The following C4orf50 variants were observed in gnomAD, a reference collection of about 807,000 sequenced individuals.
C4orf50 encodes chromosome 4 open reading frame 50.
In C4orf50, 80 loss-of-function variants were observed where a neutral mutation model predicts 77.2. The ratio of observed to expected loss-of-function variants is 1.04; its 90% CI spans 0.87 to 1.25. The LOEUF is 1.25. C4orf50 is among the 50% of genes most tolerant of loss of function. The probability of loss-of-function intolerance (pLI) is 0.00; values close to 1 mark genes in which losing one functional copy is unlikely to be tolerated. For synonymous variants in C4orf50, 532 were observed against 465.3 expected (o/e 1.14, Z -1.84); for missense variants, 1,257 against 1,152.9 (o/e 1.09, Z -1.31).
chr4:6,000,199 C>A lies in C4orf50; in HGVS notation c.964-5723G>T, dbSNP rs886952418. On this transcript the variant is annotated intron_variant, in intron 25 of 33. Transcript: ENST00000531445. The surrounding 1 kb of genome is among the most constrained non-coding windows in gnomAD (Gnocchi z 6.0). ...GCACTGGCAGCCTTGGGCAGTCACA[C>A]AGCATGCGATGCTCTCTGGACTCTG... Among the ~76,000 whole-genome samples, 3 of 152,164 alleles carry A rather than the reference C, an allele frequency of 2.0e-5. No homozygotes were observed. Among genetic ancestry groups the A allele is most frequent in the Non-Finnish European group, 4.4e-5 (3 of 68,042 alleles).
At chr4:5,979,513 A>G (rs2108780288) in intron 29 of C4orf50, among the ~76,000 whole-genome samples, 2 of 152,374 alleles carry the variant, frequency 1.3e-5, no homozygotes. Flanking sequence ...TAGAGTTGAA[A>G]AAATATTGGA....
rs1577882396 is a variant in C4orf50, at chr4:5,916,075, G to A, written c.*2475-17887C>T. ...TCCTGTAACAAGGGATGGGTGTGCA[G>A]CTACCACAGGGGCAGAGCTCAGCTC... On this transcript the variant is annotated intron_variant, in intron 7 of 7. Coordinates refer to the C4orf50 transcript ENST00000324058. The surrounding 1 kb of genome is among the most constrained non-coding windows in gnomAD (Gnocchi z 4.4). Among the ~76,000 whole-genome samples the A allele has an allele frequency of 2.0e-5, 3 of 152,200 alleles. No individual in the cohort carries two copies. The highest frequency in any genetic ancestry group is 2.0e-4 in the Admixed American group (3 of 15,284).
At chr4:5,909,294 A>C (rs1349758561) in intron 7 of C4orf50, among the ~76,000 whole-genome samples, 1 of 152,200 alleles carries the variant, frequency 6.6e-6, no homozygotes, top group Non-Finnish European at 1.5e-5. Flanking sequence ...CGGTGTCCAG[A>C]GGGAAATAAA....
chr4:5,980,692 G>C (rs1358581509), intron 28 of C4orf50, among the ~76,000 whole-genome samples: 1 of 152,148 alleles, frequency 6.6e-6, no homozygotes, highest in Non-Finnish European at 1.5e-5. Flanking sequence ...TCAAAAATAT[G>C]TGCAGTGGGG....
intron 7 of C4orf50, among the ~76,000 whole-genome samples, chr4:5,909,094 T>C (rs2152480895): frequency 6.6e-6 from 1 of 152,342 alleles, no homozygotes; most frequent in African/African-American, 2.4e-5. Flanking sequence ...TGTTTCAAAC[T>C]ACTACATGTC....
chr4:5,954,593 G>A (rs999783242), downstream of C4orf50, among the ~76,000 whole-genome samples: 6 of 152,140 alleles, frequency 3.9e-5, no homozygotes, highest in Non-Finnish European at 7.3e-5. This position sits in a 1 kb window ranked among gnomAD's most constrained non-coding sequence, Gnocchi z 4.7. Flanking sequence ...TCCACGGCAG[G>A]CAGCGCATGG....
At chr4:5,955,207 C>G (rs1236866867), downstream of C4orf50, among the ~76,000 whole-genome samples, 1 of 152,186 alleles carries the variant, frequency 6.6e-6, no homozygotes, top group Non-Finnish European at 1.5e-5. This position sits in a 1 kb window ranked among gnomAD's most constrained non-coding sequence, Gnocchi z 5.1. Flanking sequence ...TGTCGCAGGG[C>G]CCTCCTTGAG....
intron 7 of C4orf50, among the ~76,000 whole-genome samples, chr4:5,939,342 C>T (rs1295191740): frequency 1.3e-5 from 2 of 152,180 alleles, no homozygotes; most frequent in African/African-American, 4.8e-5. Context: ...TGTCACTGTC[C>T]CCTCTCCATT....
chr4:6,004,253 G>A (rs199748679), intron 25 of C4orf50, among the ~76,000 whole-genome samples: 973 of 41,504 alleles, frequency 0.023, 54 homozygotes, highest in East Asian at 0.051. Context: ...GGTGATGATG[G>A]TGATGGTGAT....
intron 25 of C4orf50, among the ~76,000 whole-genome samples, chr4:6,002,650 TC>T (rs1338211411): frequency 6.6e-6 from 1 of 152,038 alleles, no homozygotes; most frequent in Non-Finnish European, 1.5e-5. Context: ...CCCCAGAGCT[TC>T]CCCCCACCAG....
At chr4:5,999,882 G>A (rs1721754348) in intron 25 of C4orf50, among the ~76,000 whole-genome samples, 1 of 152,198 alleles carries the variant, frequency 6.6e-6, no homozygotes, top group Non-Finnish European at 1.5e-5. Flanking sequence ...GGCACTAGAA[G>A]CTTCCAGACA....
At chr4:5,978,921 A>T (rs1720425325) in intron 29 of C4orf50, among the ~76,000 whole-genome samples, 1 of 152,242 alleles carries the variant, frequency 6.6e-6, no homozygotes. Context: ...GGGCAAATGA[A>T]CATAAAACTC....
rs73196057 is a variant in C4orf50, at chr4:6,011,034, G to C, written c.426+796C>G. 0.15 allele frequency among the ~76,000 whole-genome samples: 22,224 copies of C among 152,112 alleles called. 1,803 individuals carry two copies. The highest frequency in any genetic ancestry group is 0.17 in the African/African-American group (7,148 of 41,472). ...CTATCGAGTGGCAGAGCCAGGGTTT[G>C]GCTCCAGGCCTCTGCCTCCAGAGCC... On this transcript the variant is annotated intron_variant, in intron 24 of 33. Transcript: ENST00000531445. This position sits in a 1 kb window ranked among gnomAD's most constrained non-coding sequence, Gnocchi z 4.2.
chr4:5,988,082 A>G (rs1321915974), intron 28 of C4orf50, among the ~76,000 whole-genome samples: 1 of 152,212 alleles, frequency 6.6e-6, no homozygotes, highest in African/African-American at 2.4e-5. Flanking sequence ...GAAGAGGGGC[A>G]GGCTTGAATC....
chr4:5,929,983 C>T (rs1717693643), intron 7 of C4orf50, among the ~76,000 whole-genome samples: 1 of 152,178 alleles, frequency 6.6e-6, no homozygotes, highest in African/African-American at 2.4e-5. Flanking sequence ...GGTTTATGCC[C>T]TCGTGAATGT....
intron 7 of C4orf50, among the ~76,000 whole-genome samples, chr4:5,924,705 T>C (rs7679731): frequency 0.86 from 131,125 of 152,170 alleles, 56,569 homozygotes; most frequent in Middle Eastern, 0.91. Context: ...GGCTGGGAAC[T>C]GAGATCAAGT....
At position 6,018,513 on chromosome 4, in the gene C4orf50, G is replaced by A. The variant is rs1227682491; in HGVS notation, c.-82C>T. ...TTGACTTCCCGGAGATTTCAAGGTG[G>A]TGTTTGTGACTTCAGATTGTTCAGG... On this transcript the variant is annotated 5_prime_UTR_variant, in exon 23 of 34. Coordinates refer to ENST00000531445, the Ensembl canonical transcript of C4orf50. The surrounding 1 kb of genome is among the most constrained non-coding windows in gnomAD (Gnocchi z 5.1). 2.5e-6 allele frequency: 1 copy of A among 398,236 alleles called. No individual in the cohort carries two copies. The highest frequency in any genetic ancestry group is 4.4e-6 in the Non-Finnish European group (1 of 226,026). 24.7% of individuals were successfully genotyped at this position (398,236 alleles called of 1,614,324 possible).
chr4:5,957,890 A>T (rs534361134), exon 34 of C4orf50: 4 of 152,296 alleles, frequency 2.6e-5, no homozygotes, highest in Non-Finnish European at 5.9e-5. Context: ...GTCACATGAG[A>T]TGTTAACATC....
At chr4:5,973,949 G>T in intron 30 of C4orf50, 108 bp from the exon 9 acceptor site, 2 of 886,774 alleles carry the variant, frequency 2.3e-6, no homozygotes, top group Non-Finnish European at 3.4e-6. Flanking sequence ...ACCATCCCCA[G>T]CCCTGCCTCA....
Sources: allele counts gnomAD v4.1 joint callset (sites outside exome capture counted in the v4.1 genomes callset), GRCh38; gene constraint gnomAD v4.1.1; non-coding constraint Gnocchi (gnomAD v3.1); transcripts MANE v1.5; gene names NCBI Gene and HGNC (gene_info 2026-07-23, HGNC 2026-07-21).